The following WDR17 variants were observed in gnomAD, a reference collection of about 807,000 sequenced individuals.
WDR17 encodes the protein WD repeat-containing protein 17.
A neutral mutation model predicts 161.7 loss-of-function variants in WDR17; 143 were observed. That is an observed-to-expected ratio of 0.88 (90% CI 0.77 to 1.02). The LOEUF is 1.02. WDR17 is among the 50% of genes least tolerant of loss of function. WDR17 has a pLI of 0.00. For synonymous variants in WDR17, 517 were observed against 515.6 expected (o/e 1.00, Z -0.04); for missense variants, 1,469 against 1,520.9 (o/e 0.97, Z 0.57).
At chr4:176,138,621 G>C (rs1157786243) in intron 9 of WDR17, among the ~76,000 whole-genome samples, 1 of 151,754 alleles carries the variant, frequency 6.6e-6, no homozygotes, top group Non-Finnish European at 1.5e-5. Flanking sequence ...TATAAGAAGA[G>C]ATGAGCCTAA....
intron 4 of WDR17, 74 bp downstream of exon 4, chr4:176,120,171 T>G (rs1741320014): frequency 3.4e-6 from 4 of 1,159,902 alleles, no homozygotes; most frequent in Non-Finnish European, 4.8e-6. Flanking sequence ...GCTTGGTCTT[T>G]CTAGTGACCA....
intron 28 of WDR17, 114 bp from the exon 29 acceptor site, chr4:176,179,346 G>T: frequency 1.7e-6 from 2 of 1,181,096 alleles, no homozygotes. Context: ...TTTTTTATTA[G>T]CTTTGCCTAA....
chr4:176,115,912 T>C lies in WDR17; in HGVS notation c.240T>C (p.Thr80=). 2 of 1,610,974 alleles carry C rather than the reference T, an allele frequency of 1.2e-6. No homozygotes were observed. Among genetic ancestry groups the C allele is most frequent in the Non-Finnish European group, 1.7e-6 (2 of 1,178,340 alleles). The part of the protein sequence containing the change: ...HNPDLFASGS[T]DNLVIIWNVA... ...CTGATCTGTTTGCAAGTGGCAGTAC[T>C]GATAATTTAGTGATCATTTGGAATG... is the stretch of plus-strand genomic sequence containing the variant. The change falls in exon 3 of 29, where the codon ACT becomes ACC. Residue 80 remains threonine (T), a synonymous_variant. Transcript: ENST00000508596.
Position 176,171,318 on chromosome 4 carries a change from A to G in WDR17, c.3103-1057A>G, listed in dbSNP as rs182206242. ...GATATTTAAATGGGAGTGATTTCTT[A>G]TTTCCTCTATGCCATGAGCATATAT... On this transcript the variant is annotated intron_variant, in intron 23 of 28. Transcript: ENST00000508596. Among the ~76,000 whole-genome samples the G allele has an allele frequency of 1.6e-4, 24 of 152,234 alleles. No individual in the cohort carries two copies. In the East Asian group the frequency reaches 4.6e-3, roughly 29 times the overall value.
intron 10 of WDR17, 66 bp downstream of exon 10, chr4:176,140,040 C>A: frequency 7.5e-7 from 1 of 1,335,034 alleles, no homozygotes. Context: ...TTGATCATTC[C>A]AACTGTGTAT....
At chr4:176,164,639 T>C (rs1175121640) in intron 22 of WDR17, among the ~76,000 whole-genome samples, 1 of 152,222 alleles carries the variant, frequency 6.6e-6, no homozygotes, top group Non-Finnish European at 1.5e-5. Flanking sequence ...ACCCAACCTG[T>C]ACCACTTTCT....
chr4:176,160,402 A>G (rs1201361206), intron 19 of WDR17, among the ~76,000 whole-genome samples: 1 of 151,690 alleles, frequency 6.6e-6, no homozygotes, highest in East Asian at 1.9e-4. Flanking sequence ...GCTCACCACA[A>G]CCTCCACCTC....
chr4:176,138,077 T>C (rs1028212720), intron 9 of WDR17, among the ~76,000 whole-genome samples: 1 of 151,690 alleles, frequency 6.6e-6, no homozygotes, highest in Non-Finnish European at 1.5e-5. Flanking sequence ...ACCTGCTCTC[T>C]TGTATTTGTA....
Position 176,131,596 on chromosome 4 carries a change from C to A in WDR17, c.956C>A (p.Thr319Lys), listed in dbSNP as rs531861423. 4.3e-6 allele frequency: 7 copies of A among 1,611,610 alleles called. No individual in the cohort carries two copies. The highest frequency in any genetic ancestry group is 5.9e-6 in the Non-Finnish European group (7 of 1,178,868). ...SPTKNHYTSS[T>K]SEAVPPPTLT... ...ACCAAAAATCATTATACATCCTCAA[C>A]AAGCGAAGCAGTTCCACCCCCAACT... Residue 319 changes from threonine (T) to lysine (K), a missense_variant, in exon 7 of 29, where the codon ACA (threonine) becomes AAA (lysine). Coordinates refer to ENST00000508596, the MANE Select transcript of WDR17 (RefSeq NM_181265.4).
intron 23 of WDR17, among the ~76,000 whole-genome samples, chr4:176,169,542 A>G (rs1459180252): frequency 6.6e-6 from 1 of 152,196 alleles, no homozygotes; most frequent in Non-Finnish European, 1.5e-5. Context: ...TAGCATATTT[A>G]GGAAGATACA....
At chr4:176,167,674 A>T (rs1342542201) in intron 22 of WDR17, among the ~76,000 whole-genome samples, 24 of 149,440 alleles carry the variant, frequency 1.6e-4, no homozygotes, top group Non-Finnish European at 2.2e-4. Flanking sequence ...AAAAAAAAAC[A>T]ATATCTTGAA....
In WDR17 at chr4:176,131,720, G is replaced by T. The variant is rs200095015; in HGVS notation, c.1080G>T (p.Trp360Cys). 215 of 1,608,386 alleles carry T rather than the reference G, an allele frequency of 1.3e-4. No individual in the cohort carries two copies. The highest frequency in any genetic ancestry group is 1.8e-4 in the Non-Finnish European group (207 of 1,177,552). ...VGLYDMGAKK[W>C]DFLRDLGHVE... ...TTTATGATATGGGAGCTAAGAAGTG[G>T]GATTTTCTTAGAGACTTGGTATGTA... Residue 360 changes from tryptophan to cysteine, a missense_variant, in exon 7 of 29, where the codon TGG becomes TGT. By Grantham distance (215) the Trp-to-Cys change is radical. Transcript: ENST00000508596.
chr4:176,083,149 CTTGTTATA>C (rs1057386132), intron 1 of WDR17, among the ~76,000 whole-genome samples: 49 of 150,650 alleles, frequency 3.3e-4, no homozygotes, highest in African/African-American at 1.1e-3. Context: ...GCATTTTAGA[CTTGTTATA>C]TTACCCTAAT....
At chr4:176,073,582 T>C (rs1473777586) in intron 1 of WDR17, among the ~76,000 whole-genome samples, 1 of 151,606 alleles carries the variant, frequency 6.6e-6, no homozygotes, top group Non-Finnish European at 1.5e-5. Context: ...CATGTGTCTT[T>C]ATAGCAGCAT....
chr4:176,161,918 A>G (rs1171325794), intron 20 of WDR17, among the ~76,000 whole-genome samples, 157 bp from the exon 21 acceptor site: 1 of 152,144 alleles, frequency 6.6e-6, no homozygotes, highest in Non-Finnish European at 1.5e-5. Context: ...TGTAAAGACC[A>G]CTTTCCTGAT....
intron 7 of WDR17, among the ~76,000 whole-genome samples, chr4:176,134,764 T>C (rs541662078): frequency 1.1e-4 from 16 of 151,890 alleles, no homozygotes; most frequent in South Asian, 1.0e-3. Flanking sequence ...AATTGCTTTA[T>C]AGATTTCTAG....
At chr4:176,159,882 A>C in intron 18 of WDR17, 112 bp from the exon 19 acceptor site, 1 of 1,070,948 alleles carries the variant, frequency 9.3e-7, no homozygotes. Flanking sequence ...TGGTATGCCA[A>C]AGGGCTTTAT....
At chr4:176,117,393 A>T (rs1013511555) in intron 3 of WDR17, among the ~76,000 whole-genome samples, 8 of 152,036 alleles carry the variant, frequency 5.3e-5, no homozygotes, top group Non-Finnish European at 1.2e-4. Context: ...TTTTCTTGAA[A>T]TTCTTTCCAT....
chr4:176,076,250 TATATACAC>T (rs1174298628), intron 1 of WDR17, among the ~76,000 whole-genome samples: 62 of 64,670 alleles, frequency 9.6e-4, no homozygotes, highest in African/African-American at 2.6e-3. Context: ...TATATATATA[TATATACAC>T]ACACACACAC....
Sources: allele counts gnomAD v4.1 joint callset (sites outside exome capture counted in the v4.1 genomes callset), GRCh38; gene constraint gnomAD v4.1.1; transcripts MANE v1.5; gene names NCBI Gene and HGNC (gene_info 2026-07-23, HGNC 2026-07-21).